The following UNC13C variants were observed in gnomAD, a reference collection of about 807,000 sequenced individuals.
UNC13C encodes unc-13 homolog C, also known as protein unc-13 homolog C.
In UNC13C, 174 loss-of-function variants were observed where a neutral mutation model predicts 245.4. The observed-to-expected ratio is 0.71, with a 90% confidence interval of 0.63 to 0.80. UNC13C has a LOEUF of 0.80. Ranked by LOEUF, UNC13C falls within the 30% of genes least tolerant of loss-of-function variation. The pLI, the probability that UNC13C is intolerant of heterozygous loss-of-function variation, is 0.00. For synonymous variants in UNC13C, 992 were observed against 895.1 expected (o/e 1.11, Z -1.93); for missense variants, 2,829 against 2,602.9 (o/e 1.09, Z -1.89).
rs74016058 is a variant in UNC13C, at chr15:54,048,572, C to T, written c.2983+32686C>T. 560 of 432,698 alleles carry T rather than the reference C, an allele frequency of 1.3e-3. 5 individuals are homozygous for T. Among genetic ancestry groups the T allele is most frequent in the African/African-American group, 0.01 (483 of 47,812 alleles). The allele number at this position is 432,698 out of a possible 1,614,324, so 26.8% of individuals were successfully genotyped here. On this transcript the variant is annotated intron_variant, in intron 2 of 32. Transcript: ENST00000260323. ...GAAGACTTTTTATAGAATTGATGTA[C>T]TGAAACTTATCAATTTCGCCAATTG...
At chr15:54,066,999 C>G (rs1898107110) in intron 2 of UNC13C, among the ~76,000 whole-genome samples, 1 of 152,214 alleles carries the variant, frequency 6.6e-6, no homozygotes, top group East Asian at 1.9e-4. Context: ...CACACTCACT[C>G]CATCTAAGAC....
At chr15:54,442,856 G>C (rs951722210) in intron 19 of UNC13C, among the ~76,000 whole-genome samples, 1 of 151,984 alleles carries the variant, frequency 6.6e-6, no homozygotes, top group Admixed American at 6.6e-5. Context: ...TGTTCATCAG[G>C]GATATTGGCC....
chr15:54,604,970 G>C (rs1160874934), intron 30 of UNC13C, among the ~76,000 whole-genome samples: 1 of 143,638 alleles, frequency 7.0e-6, no homozygotes, highest in African/African-American at 2.6e-5. Context: ...GTACAACTGG[G>C]GGAAAAAAAC....
chr15:54,063,390 C>G (rs1897931964), intron 2 of UNC13C, among the ~76,000 whole-genome samples: 1 of 152,070 alleles, frequency 6.6e-6, no homozygotes. Flanking sequence ...AGAGCTTGGA[C>G]AGGGCACCAA....
chr15:54,356,513 A>G (rs1011518352), intron 17 of UNC13C, among the ~76,000 whole-genome samples: 1 of 152,216 alleles, frequency 6.6e-6, no homozygotes, highest in African/African-American at 2.4e-5. Flanking sequence ...TTCAAGATCA[A>G]GATGCCCATA....
At chr15:54,492,077 A>G (rs1383828093) in intron 19 of UNC13C, among the ~76,000 whole-genome samples, 1 of 151,938 alleles carries the variant, frequency 6.6e-6, no homozygotes, top group African/African-American at 2.4e-5. Context: ...TTCTACTCAT[A>G]TATTTTCTTT....
At chr15:54,322,807 G>C (rs1039058669) in intron 14 of UNC13C, among the ~76,000 whole-genome samples, 1 of 151,984 alleles carries the variant, frequency 6.6e-6, no homozygotes, top group East Asian at 1.9e-4. Context: ...AATTAAAAAT[G>C]AGTGGAGATG....
the UNC13C span, among the ~76,000 whole-genome samples, chr15:53,869,453 C>G: frequency 5.3e-5 from 8 of 152,254 alleles, no homozygotes; most frequent in Admixed American, 5.2e-4. Flanking sequence ...TACTAATTCC[C>G]TTGTGGGCTT....
At chr15:54,271,229 CA>C (rs2140901079) in intron 10 of UNC13C, among the ~76,000 whole-genome samples, 1 of 152,182 alleles carries the variant, frequency 6.6e-6, no homozygotes, top group Non-Finnish European at 1.5e-5. Context: ...GGGTTGTAAA[CA>C]AATGTTTAAT....
intron 2 of UNC13C, among the ~76,000 whole-genome samples, chr15:54,114,503 G>A (rs1255693555): frequency 6.6e-6 from 1 of 151,938 alleles, no homozygotes; most frequent in Non-Finnish European, 1.5e-5. Context: ...TTAGATTTTT[G>A]AAAACTACTC....
At chr15:54,515,581 T>A (rs1894935075) in intron 24 of UNC13C, among the ~76,000 whole-genome samples, 1 of 152,130 alleles carries the variant, frequency 6.6e-6, no homozygotes, top group Non-Finnish European at 1.5e-5. Context: ...TTATAAGATA[T>A]GCATTTTGAA....
chr15:54,367,549 A>G lies in UNC13C; in HGVS notation c.4714-25499A>G, dbSNP rs113770155. On this transcript the variant is annotated intron_variant, in intron 17 of 32. Coordinates refer to ENST00000260323, the MANE Select transcript of UNC13C (RefSeq NM_001080534.3). ...GAATCACTTTCTTGCCCCTGTCCAT[A>G]CACAGTACTTTCCACAAGGTATCTG... Among the ~76,000 whole-genome samples, 5 of 152,282 alleles carry G rather than the reference A, an allele frequency of 3.3e-5. 1 individual carries two copies. Among genetic ancestry groups the G allele is most frequent in the African/African-American group, 1.2e-4 (5 of 41,578 alleles).
chr15:54,181,188 G>T (rs1423422887), intron 4 of UNC13C, among the ~76,000 whole-genome samples: 1 of 151,940 alleles, frequency 6.6e-6, no homozygotes, highest in Non-Finnish European at 1.5e-5. Flanking sequence ...ATGGTAAAAG[G>T]TAGGGATACA....
At position 54,195,452 on chromosome 15, in the gene UNC13C, T is replaced by C. The variant is rs148074190; in HGVS notation, c.3072-39578T>C. 4.3e-3 allele frequency among the ~76,000 whole-genome samples: 656 copies of C among 152,314 alleles called. 8 individuals carry two copies. Among genetic ancestry groups the C allele is most frequent in the African/African-American group, 0.015 (638 of 41,578 alleles). ...GGGATGCGAATTCTTCCTTTATTCA[T>C]TCAGTAAATAGTATTGTGTGGTCAA... On this transcript the variant is annotated intron_variant, in intron 4 of 32. Transcript: ENST00000260323.
the UNC13C span, among the ~76,000 whole-genome samples, chr15:53,907,926 T>C: frequency 6.8e-6 from 1 of 146,798 alleles, no homozygotes; most frequent in Non-Finnish European, 1.5e-5. Flanking sequence ...TTAATTTGTT[T>C]CTGGTTTTAT....
chr15:53,950,429 T>A, the UNC13C span, among the ~76,000 whole-genome samples: 2 of 124,584 alleles, frequency 1.6e-5, no homozygotes, highest in African/African-American at 5.6e-5. Flanking sequence ...AAATAAAGAT[T>A]TTTTTTTTTT....
chr15:54,243,080 A>G (rs1390802800), intron 7 of UNC13C, among the ~76,000 whole-genome samples: 1 of 151,902 alleles, frequency 6.6e-6, no homozygotes, highest in Non-Finnish European at 1.5e-5. Flanking sequence ...TCAACCCATC[A>G]CCTTGGTATT....
At chr15:54,455,235 ATATGTTTTTTAATCCAC>A (rs1420582260) in intron 19 of UNC13C, among the ~76,000 whole-genome samples, 2 of 94,000 alleles carry the variant, frequency 2.1e-5, no homozygotes, top group East Asian at 7.5e-4. Flanking sequence ...ATATATATAT[ATATGTTTTTTAATCCAC>A]TCATTGGTAG....
At chr15:53,937,576 T>A in the UNC13C span, among the ~76,000 whole-genome samples, 1 of 152,136 alleles carries the variant, frequency 6.6e-6, no homozygotes, top group Non-Finnish European at 1.5e-5. Context: ...CCAAGACACA[T>A]AATCATCAGG....
Sources: gnomAD v4.1 joint callset for allele counts (sites outside exome capture counted in the v4.1 genomes callset) on GRCh38, gnomAD v4.1.1 for gene constraint, MANE v1.5 for transcripts, NCBI Gene and HGNC (gene_info 2026-07-23, HGNC 2026-07-21) for gene names.